DOCK10: variants seen among roughly 807,000 people sequenced by gnomAD.
DOCK10 encodes the protein dedicator of cytokinesis 10, also known as dedicator of cytokinesis protein 10.
DOCK10 carries 145 observed loss-of-function variants against 280.1 expected under a neutral mutation model. The observed-to-expected ratio is 0.52, with a 90% CI of 0.45 to 0.59. The LOEUF (loss-of-function observed/expected upper bound fraction) is 0.59, where lower values mean the gene tolerates loss of function less well. Among genes scored for constraint, DOCK10 ranks in the 20% least tolerant of loss-of-function variants. The probability of loss-of-function intolerance (pLI) is 0.00; values close to 1 mark genes in which losing one functional copy is unlikely to be tolerated. For synonymous variants in DOCK10, 915 were observed against 942.2 expected (o/e 0.97, Z 0.53); for missense variants, 2,368 against 2,651.7 (o/e 0.89, Z 2.35).
chr2:224,852,151 T>A (rs904661345), intron 18 of DOCK10, among the ~76,000 whole-genome samples: 2 of 152,220 alleles, frequency 1.3e-5, no homozygotes, highest in Non-Finnish European at 2.9e-5. Context: ...TGAGAATGGT[T>A]TCCTTTTTTC....
intron 44 of DOCK10, among the ~76,000 whole-genome samples, chr2:224,795,957 G>C (rs1366091577): frequency 6.6e-6 from 1 of 152,122 alleles, no homozygotes; most frequent in Non-Finnish European, 1.5e-5. Context: ...TGCTTAAAGT[G>C]TAAGAGCTGC....
At chr2:224,774,469 CATCGAGGG>C (rs1487283387) in intron 52 of DOCK10, among the ~76,000 whole-genome samples, 5 of 152,204 alleles carry the variant, frequency 3.3e-5, no homozygotes, top group Non-Finnish European at 5.9e-5. Context: ...CTAGAGAGCA[CATCGAGGG>C]ATATTGGAGA....
chr2:224,956,993 T>C (rs1020354751), intron 1 of DOCK10, among the ~76,000 whole-genome samples: 2 of 152,238 alleles, frequency 1.3e-5, no homozygotes, highest in African/African-American at 2.4e-5. Flanking sequence ...ATGCTTGTCA[T>C]GTCCCTCAGG....
At chr2:224,952,819 C>G (rs1354099717) in intron 1 of DOCK10, among the ~76,000 whole-genome samples, 1 of 152,008 alleles carries the variant, frequency 6.6e-6, no homozygotes. Flanking sequence ...GTCTCGATCT[C>G]CTGACCTCGT....
At chr2:224,984,773 G>A (rs1188382675) in intron 1 of DOCK10, among the ~76,000 whole-genome samples, 1 of 152,022 alleles carries the variant, frequency 6.6e-6, no homozygotes, top group Non-Finnish European at 1.5e-5. Flanking sequence ...CTAGAGATTG[G>A]GTTGGGTTGT....
chr2:224,846,727 C>T (rs775979823), intron 19 of DOCK10, among the ~76,000 whole-genome samples: 1 of 152,068 alleles, frequency 6.6e-6, no homozygotes, highest in Non-Finnish European at 1.5e-5. Context: ...AATCTCTTGA[C>T]CTTGTGATCC....
chr2:224,782,417 T>C (rs946866158), intron 50 of DOCK10, among the ~76,000 whole-genome samples: 2 of 152,196 alleles, frequency 1.3e-5, no homozygotes, highest in Non-Finnish European at 2.9e-5. Context: ...CTTGCTTTCA[T>C]GTTAAATACC....
chr2:224,939,597 A>G (rs770257857), intron 1 of DOCK10, among the ~76,000 whole-genome samples: 2 of 152,236 alleles, frequency 1.3e-5, no homozygotes, highest in African/African-American at 2.4e-5. Context: ...TCACAACCCA[A>G]TTACAAGGCT....
chr2:224,853,596 G>T (rs1423220077), intron 16 of DOCK10, among the ~76,000 whole-genome samples: 1 of 152,160 alleles, frequency 6.6e-6, no homozygotes, highest in African/African-American at 2.4e-5. Context: ...CTACAGAATG[G>T]ATTTCACAGC....
chr2:224,949,373 A>G (rs1703605145), intron 1 of DOCK10, among the ~76,000 whole-genome samples: 2 of 152,248 alleles, frequency 1.3e-5, no homozygotes, highest in South Asian at 4.1e-4. Context: ...CTCCAAGTTC[A>G]TTAGAAAAGA....
At chr2:224,942,403 C>T (rs1191334912) in intron 1 of DOCK10, among the ~76,000 whole-genome samples, 1 of 152,232 alleles carries the variant, frequency 6.6e-6, no homozygotes, top group Non-Finnish European at 1.5e-5. Flanking sequence ...TGTCCATTTC[C>T]AACATTCATT....
At chr2:224,779,199 A>C (rs562181081) in intron 50 of DOCK10, among the ~76,000 whole-genome samples, 1 of 151,150 alleles carries the variant, frequency 6.6e-6, no homozygotes, top group South Asian at 2.1e-4. Flanking sequence ...GTTCGGAGTT[A>C]AGAACCCAAG....
chr2:224,851,459 A>T (rs1434056), intron 18 of DOCK10, among the ~76,000 whole-genome samples: 30,804 of 81,760 alleles, frequency 0.38, 3,941 homozygotes, highest in East Asian at 0.68. Flanking sequence ...TTTTTTTTTT[A>T]AAAAAAAAAA....
At position 224,784,674 on chromosome 2, in the gene DOCK10, C is replaced by T. The variant is rs556962974; in HGVS notation, c.5655+2348G>A. The T allele has an allele frequency of 1.3e-5, 17 of 1,273,970 alleles. No homozygotes were observed. The Admixed American group carries it at 3.7e-4, about 28-fold the overall frequency. 78.9% of individuals were successfully genotyped at this position (1,273,970 alleles called of 1,614,324 possible). ...AAGGTTAAGGTTCAGTAAAACCATA[C>T]AGAGGGAAGTGTGAGGGGTGTTAGA... is the stretch of plus-strand genomic sequence containing the variant. On this transcript the variant is annotated intron_variant, in intron 50 of 55. Coordinates refer to ENST00000258390, the MANE Select transcript of DOCK10 (RefSeq NM_014689.3).
In DOCK10 at chr2:224,794,958, T is replaced by C. The variant is rs983665763; in HGVS notation, c.5075A>G (p.Tyr1692Cys). ...VDLQYSLANS[Y>C]ASTPELRRTW... ...CCTGCGTAGTTCAGGAGTGCTTGCG[T>C]AGGAGTTTGCCAGGCTGTACTGGAG... Residue 1692 changes from tyrosine (Y) to cysteine (C), a missense_variant, in exon 45 of 56, where the codon TAC becomes TGC. Physicochemically the swap from Tyr to Cys is radical, Grantham distance 194 (BLOSUM62 -2). Around this residue, in one of 2 missense-constraint regions of DOCK10, gnomAD observed 1,159 missense variants for 1,400.8 expected, o/e 0.83. Transcript: ENST00000258390. 1.2e-6 allele frequency: 2 copies of C among 1,613,780 alleles called. No homozygotes were observed. The highest frequency in any genetic ancestry group is 2.7e-5 in the African/African-American group (2 of 74,896).
At chr2:224,945,679 A>G in intron 1 of DOCK10, among the ~76,000 whole-genome samples, 1 of 135,776 alleles carries the variant, frequency 7.4e-6, no homozygotes, top group South Asian at 2.3e-4. Context: ...ATGTGTGTGC[A>G]TATATATATA....
At chr2:224,908,905 C>T (rs116850240) in intron 3 of DOCK10, among the ~76,000 whole-genome samples, 73 of 152,286 alleles carry the variant, frequency 4.8e-4, no homozygotes, top group East Asian at 3.3e-3. Context: ...ATTCTACTCC[C>T]GCAGCAGCAT....
chr2:224,806,074 T>G (rs1693374160), intron 34 of DOCK10, 52 bp downstream of exon 34: 2 of 1,071,594 alleles, frequency 1.9e-6, no homozygotes, highest in African/African-American at 3.2e-5. Flanking sequence ...TGATATACAA[T>G]GTAAAGGTGG....
chr2:224,906,534 A>G (rs1700649016), intron 3 of DOCK10, among the ~76,000 whole-genome samples: 1 of 152,098 alleles, frequency 6.6e-6, no homozygotes, highest in Non-Finnish European at 1.5e-5. Context: ...GCTGGAGTGC[A>G]GTAGTGTGAT....
Sources: gnomAD v4.1 joint callset for allele counts (sites outside exome capture counted in the v4.1 genomes callset) on GRCh38, gnomAD v4.1.1 for gene constraint, gnomAD v4.1.1 regional missense constraint, MANE v1.5 for transcripts, NCBI Gene and HGNC (gene_info 2026-07-23, HGNC 2026-07-21) for gene names.